Variants in LUZP2 observed in about 807,000 individuals in gnomAD.
LUZP2 encodes the protein leucine zipper protein 2.
In LUZP2, 52 loss-of-function variants were observed where a neutral mutation model predicts 51.6. The ratio of observed to expected loss-of-function variants is 1.01; its 90% CI spans 0.81 to 1.27. The LOEUF is 1.27. LUZP2 is among the 50% of genes most tolerant of loss of function. The pLI is 0.00. For missense variants in LUZP2, 436 were observed against 395.4 expected (o/e 1.10, Z -0.87); for synonymous variants, 154 against 137.3 (o/e 1.12, Z -0.85).
At chr11:24,798,343 A>T (rs536100477) in intron 5 of LUZP2, among the ~76,000 whole-genome samples, 1 of 151,974 alleles carries the variant, frequency 6.6e-6, no homozygotes, top group Non-Finnish European at 1.5e-5. Flanking sequence ...GACTAAAAGC[A>T]CACACCACCA....
chr11:24,991,216 G>A (rs190009609), intron 9 of LUZP2, among the ~76,000 whole-genome samples: 32 of 151,800 alleles, frequency 2.1e-4, no homozygotes, highest in African/African-American at 6.7e-4. Context: ...GAGAACGTAC[G>A]ATGTTTGGTT....
intron 1 of LUZP2, among the ~76,000 whole-genome samples, chr11:24,627,887 C>A (rs559570105): frequency 7.9e-5 from 12 of 152,136 alleles, no homozygotes; most frequent in Admixed American, 2.0e-4. Flanking sequence ...TGACACCCCT[C>A]CCTTCAATGT....
At chr11:24,743,257 TG>T (rs1244013760) in intron 4 of LUZP2, among the ~76,000 whole-genome samples, 1 of 152,138 alleles carries the variant, frequency 6.6e-6, no homozygotes, top group Non-Finnish European at 1.5e-5. Flanking sequence ...GGGATTGTGT[TG>T]AATTTATAGA....
chr11:25,042,868 C>A (rs889250829), intron 9 of LUZP2, among the ~76,000 whole-genome samples: 1 of 152,110 alleles, frequency 6.6e-6, no homozygotes, highest in African/African-American at 2.4e-5. Flanking sequence ...AATCCAGGAT[C>A]CTATGGAGTG....
intron 5 of LUZP2, among the ~76,000 whole-genome samples, chr11:24,828,087 G>T (rs1436037661): frequency 2.0e-5 from 3 of 151,848 alleles, no homozygotes; most frequent in Non-Finnish European, 4.4e-5. Flanking sequence ...ACGCACAAAA[G>T]AATTAAAGGA....
intron 1 of LUZP2, among the ~76,000 whole-genome samples, chr11:24,593,793 G>A (rs986466905): frequency 2.6e-5 from 4 of 152,098 alleles, no homozygotes; most frequent in Non-Finnish European, 5.9e-5. Context: ...TATTTTATTA[G>A]TCAAACAAAT....
At chr11:24,758,846 C>T (rs968930885) in intron 4 of LUZP2, among the ~76,000 whole-genome samples, 4 of 151,690 alleles carry the variant, frequency 2.6e-5, no homozygotes, top group African/African-American at 9.7e-5. Context: ...TAGTAAAATG[C>T]TATGAAACAT....
intron 1 of LUZP2, among the ~76,000 whole-genome samples, chr11:24,616,008 G>A (rs1035795518): frequency 2.0e-5 from 3 of 150,526 alleles, no homozygotes; most frequent in African/African-American, 4.9e-5. Context: ...TTCCTAGTTT[G>A]GTTGCCTTTT....
At chr11:24,978,587 C>CT (rs1054027611) in intron 8 of LUZP2, among the ~76,000 whole-genome samples, 3 of 151,564 alleles carry the variant, frequency 2.0e-5, no homozygotes, top group Non-Finnish European at 3.0e-5. Context: ...TTTGAAATGC[C>CT]TTTTTTGTGG....
intron 7 of LUZP2, among the ~76,000 whole-genome samples, chr11:24,941,175 G>C (rs1362207002): frequency 6.6e-6 from 1 of 151,918 alleles, no homozygotes; most frequent in Admixed American, 6.6e-5. Flanking sequence ...GCATCTAAAG[G>C]TTTTGGCTAT....
intron 5 of LUZP2, among the ~76,000 whole-genome samples, chr11:24,860,980 G>T (rs181382775): frequency 7.2e-5 from 11 of 152,286 alleles, no homozygotes; most frequent in African/African-American, 2.2e-4. Flanking sequence ...ACAGAAGTAG[G>T]CTTCAGAAGA....
intron 7 of LUZP2, among the ~76,000 whole-genome samples, chr11:24,925,781 G>T (rs1218159026): frequency 6.6e-6 from 1 of 151,628 alleles, no homozygotes; most frequent in Admixed American, 6.6e-5. Flanking sequence ...GGATCAGGTG[G>T]TGTTTGCTTA....
At chr11:24,725,726 C>A (rs1008625781) in intron 1 of LUZP2, among the ~76,000 whole-genome samples, 1 of 152,034 alleles carries the variant, frequency 6.6e-6, no homozygotes, top group Non-Finnish European at 1.5e-5. Flanking sequence ...GGAATATGTG[C>A]CTCCAAATTT....
chr11:24,766,547 A>G (rs1021218600), intron 5 of LUZP2, among the ~76,000 whole-genome samples: 4 of 152,164 alleles, frequency 2.6e-5, no homozygotes, highest in African/African-American at 9.7e-5. Context: ...GTGAATACAG[A>G]AGTTTCTGTT....
At chr11:24,781,028 T>A (rs2716543) in intron 5 of LUZP2, among the ~76,000 whole-genome samples, 101,961 of 151,956 alleles carry the variant, frequency 0.67, 34,795 homozygotes, top group East Asian at 0.85. Context: ...CCAGACTGTC[T>A]AACACAAGAG....
chr11:24,826,190 A>AAATATATATATATAT lies in LUZP2; in HGVS notation c.396+62883_396+62884insATATATATATATATA, dbSNP rs1215786412. On this transcript the variant is annotated intron_variant, in intron 5 of 11. Transcript: ENST00000336930. Reference sequence around the variant, plus strand: ...GACTCCATCTCAAAAAAAAAAAAAAAATATATATATATATATATAGTAAAA... The same window carrying AAATATATATATATAT: ...GACTCCATCTCAAAAAAAAAAAAAAAAATATATATATATATATATATATATATATATATAGTAAAA... Among the ~76,000 whole-genome samples, 53 of 67,538 alleles carry AAATATATATATATAT rather than the reference A, an allele frequency of 7.8e-4. 3 individuals carry two copies. Among genetic ancestry groups the AAATATATATATATAT allele is most frequent in the African/African-American group, 2.1e-3 (36 of 16,980 alleles). The allele number at this position is 67,538 out of a possible 152,430, so 44.3% of individuals were successfully genotyped here.
At chr11:24,949,430 G>T (rs1328825733) in intron 7 of LUZP2, among the ~76,000 whole-genome samples, 2 of 151,284 alleles carry the variant, frequency 1.3e-5, no homozygotes, top group Non-Finnish European at 3.0e-5. Flanking sequence ...TAACACCATT[G>T]GTTGTATTAG....
At chr11:24,830,861 G>A (rs1030286963) in intron 5 of LUZP2, among the ~76,000 whole-genome samples, 7 of 152,006 alleles carry the variant, frequency 4.6e-5, no homozygotes, top group African/African-American at 1.2e-4. Flanking sequence ...GGGTGTGATG[G>A]TGGGCGCCTA....
rs748903860 is a variant in LUZP2 at position 24,682,586 on chromosome 11, ATG to A, written c.63-46571_63-46570del. ...AACCCTACTGAATTTATATATATAT[ATG>A]TGTGTGTGTGTATATATATGTGTAT... On this transcript the variant is annotated intron_variant, in intron 1 of 11. Coordinates refer to ENST00000336930, the MANE Select transcript of LUZP2 (RefSeq NM_001009909.4). Among the ~76,000 whole-genome samples, 21 of 96,896 alleles carry A rather than the reference ATG, an allele frequency of 2.2e-4. 1 individual carries two copies. Among genetic ancestry groups the A allele is most frequent in the Admixed American group, 3.0e-4 (3 of 9,926 alleles). 63.6% of individuals were successfully genotyped at this position (96,896 alleles called of 152,430 possible).
Sources: gnomAD v4.1 joint callset for allele counts (sites outside exome capture counted in the v4.1 genomes callset) on GRCh38, gnomAD v4.1.1 for gene constraint, MANE v1.5 for transcripts, NCBI Gene and HGNC (gene_info 2026-07-23, HGNC 2026-07-21) for gene names.